The following NETO2 variants were observed in gnomAD, a reference collection of about 807,000 sequenced individuals.
NETO2 encodes neuropilin and tolloid like 2.
Under a neutral mutation model 62.5 loss-of-function variants are expected in NETO2, and 28 were observed. The ratio of observed to expected loss-of-function variants is 0.45; its 90% CI spans 0.33 to 0.61. The LOEUF (loss-of-function observed/expected upper bound fraction) is 0.61. Ranked by LOEUF, NETO2 falls within the 20% of genes least tolerant of loss-of-function variation. The probability of loss-of-function intolerance (pLI) is 0.02; values close to 1 mark genes in which losing one functional copy is unlikely to be tolerated. For synonymous variants in NETO2, 214 were observed against 219.1 expected (o/e 0.98, Z 0.21); for missense variants, 548 against 643.2 (o/e 0.85, Z 1.60).
At chr16:47,124,295 T>G (rs921646161) in intron 4 of NETO2, among the ~76,000 whole-genome samples, 2 of 152,208 alleles carry the variant, frequency 1.3e-5, no homozygotes, top group Admixed American at 1.3e-4. Context: ...AGGAACTGTC[T>G]GGCAGATTAA....
At chr16:47,132,516 T>C (rs141884634) in intron 1 of NETO2, among the ~76,000 whole-genome samples, 12 of 152,324 alleles carry the variant, frequency 7.9e-5, no homozygotes, top group Middle Eastern at 6.8e-3. Flanking sequence ...CAATTCAAAC[T>C]GTCTTATCAT....
intron 1 of NETO2, among the ~76,000 whole-genome samples, chr16:47,133,996 G>A (rs1168130344): frequency 6.6e-6 from 1 of 152,100 alleles, no homozygotes; most frequent in Non-Finnish European, 1.5e-5. Flanking sequence ...CTTTGAAGCA[G>A]AGTGGTAGCA....
chr16:47,087,847 G>A (rs896620796), intron 7 of NETO2, among the ~76,000 whole-genome samples: 14 of 151,972 alleles, frequency 9.2e-5, no homozygotes, highest in African/African-American at 3.4e-4. Flanking sequence ...TCGCTCCTGT[G>A]TGTTCCTATC....
At position 47,132,121 on chromosome 16, in the gene NETO2, T is replaced by C. The variant is rs1346283842; in HGVS notation, c.35-96A>G. The stretch of plus-strand genomic sequence containing the variant: ...AATTGGATGACAAAAAAAGATTAAC[T>C]AAAATCACTATTTATTACTCAAAAT... On this transcript the variant is annotated intron_variant, in intron 1 of 8. Transcript: ENST00000562435. The C allele has an allele frequency of 1.7e-5, 16 of 918,896 alleles. No homozygotes were observed. In the Admixed American group the frequency reaches 3.2e-4, roughly 18 times the overall value. 56.9% of individuals were successfully genotyped at this position (918,896 alleles called of 1,614,324 possible). A position where few individuals can be genotyped will look rare whatever the true frequency, so the allele number is the denominator to read the frequency against.
chr16:47,086,862 A>G (rs1384920207), intron 7 of NETO2, among the ~76,000 whole-genome samples: 2 of 152,230 alleles, frequency 1.3e-5, no homozygotes, highest in Non-Finnish European at 2.9e-5. Flanking sequence ...ATTATGCACA[A>G]CAGCCAGAAA....
Position 47,081,894 on chromosome 16 carries a change from G to C in NETO2, c.*1327C>G, listed in dbSNP as rs546075654. On this transcript the variant is annotated 3_prime_UTR_variant, in exon 9 of 9. Transcript: ENST00000562435. The stretch of plus-strand genomic sequence containing the variant: ...CACAAACTAAATACAGTAACAAAAG[G>C]AAAGAAAGAGCTTATGTCCACATTT... 1.3e-5 allele frequency: 2 copies of C among 152,612 alleles called. No individual in the cohort carries two copies. The highest frequency in any genetic ancestry group is 1.9e-4 in the East Asian group (1 of 5,186). 9.5% of individuals were successfully genotyped at this position (152,612 alleles called of 1,614,324 possible).
intron 7 of NETO2, among the ~76,000 whole-genome samples, chr16:47,095,253 C>CAA (rs201302112): frequency 1.3e-5 from 2 of 149,298 alleles, no homozygotes; most frequent in African/African-American, 4.9e-5. Context: ...CTTGTCACTA[C>CAA]AAAAAAAAAT....
chr16:47,136,784 A>C (rs1371250176), intron 1 of NETO2, among the ~76,000 whole-genome samples: 2 of 152,182 alleles, frequency 1.3e-5, no homozygotes, highest in Non-Finnish European at 2.9e-5. Context: ...CTGGGATAAC[A>C]TATTAATTCT....
intron 6 of NETO2, among the ~76,000 whole-genome samples, chr16:47,115,748 T>TATATATATCTA (rs1163632223): frequency 6.9e-6 from 1 of 145,786 alleles, no homozygotes; most frequent in African/African-American, 2.6e-5. Context: ...TATATATATA[T>TATATATATCTA]TTTGTAGGGG....
intron 7 of NETO2, among the ~76,000 whole-genome samples, chr16:47,095,284 G>T (rs2143835761): frequency 6.6e-6 from 1 of 152,212 alleles, no homozygotes; most frequent in Non-Finnish European, 1.5e-5. Flanking sequence ...AAAGAAGGCA[G>T]TAATGGAGGA....
intron 7 of NETO2, among the ~76,000 whole-genome samples, chr16:47,087,549 G>A (rs1963221189): frequency 6.6e-6 from 1 of 152,060 alleles, no homozygotes; most frequent in South Asian, 2.1e-4. Context: ...TAATGTGAAT[G>A]TACTTAATGC....
chr16:47,139,009 G>C (rs960382694), intron 1 of NETO2, among the ~76,000 whole-genome samples: 1 of 152,094 alleles, frequency 6.6e-6, no homozygotes, highest in Non-Finnish European at 1.5e-5. Flanking sequence ...CTAAATAAGC[G>C]CTACATTTTC....
At chr16:47,129,458 T>C (rs1369576003) in intron 2 of NETO2, 94 bp from the exon 3 acceptor site, 9 of 1,242,400 alleles carry the variant, frequency 7.2e-6, no homozygotes, top group East Asian at 2.3e-5. Context: ...GCTCACTCTA[T>C]GCTACATATA....
chr16:47,086,662 G>A (rs1963197136), intron 7 of NETO2, among the ~76,000 whole-genome samples: 1 of 152,122 alleles, frequency 6.6e-6, no homozygotes. Context: ...AGGATGTGGA[G>A]ACACTGGAAC....
chr16:47,115,697 TTA>T (rs1261414157), intron 6 of NETO2, among the ~76,000 whole-genome samples: 12 of 117,828 alleles, frequency 1.0e-4, no homozygotes, highest in East Asian at 2.0e-4. Flanking sequence ...CGGCTAATTT[TTA>T]TATATATATA....
intron 4 of NETO2, among the ~76,000 whole-genome samples, chr16:47,123,347 A>G (rs550957530): frequency 2.8e-4 from 42 of 152,316 alleles, no homozygotes; most frequent in African/African-American, 8.4e-4. Context: ...ACACTTAAAA[A>G]TGGTTAAAGA....
At chr16:47,112,296 A>AAAG (rs1963817539) in intron 6 of NETO2, among the ~76,000 whole-genome samples, 1 of 152,208 alleles carries the variant, frequency 6.6e-6, no homozygotes, top group African/African-American at 2.4e-5. Flanking sequence ...TTCAAGGGTA[A>AAAG]TGGTGACTTT....
intron 6 of NETO2, among the ~76,000 whole-genome samples, chr16:47,117,364 T>G (rs911733194): frequency 6.6e-6 from 1 of 152,244 alleles, no homozygotes; most frequent in Non-Finnish European, 1.5e-5. Context: ...TTGTTTATCC[T>G]ATTTGGTGTT....
At chr16:47,125,643 G>T (rs1964143213) in intron 4 of NETO2, among the ~76,000 whole-genome samples, 1 of 152,134 alleles carries the variant, frequency 6.6e-6, no homozygotes, top group African/African-American at 2.4e-5. Context: ...ACCACATCTG[G>T]CTGCTACTAT....
Sources: allele counts gnomAD v4.1 joint callset (sites outside exome capture counted in the v4.1 genomes callset), GRCh38; gene constraint gnomAD v4.1.1; transcripts MANE v1.5; gene names NCBI Gene and HGNC (gene_info 2026-07-23, HGNC 2026-07-21).